Variants in GNG12 observed in about 807,000 individuals in gnomAD.
GNG12 encodes the protein guanine nucleotide-binding protein G(I)/G(S)/G(O) subunit gamma-12.
For missense variants in GNG12, 69 were observed against 83.8 expected (o/e 0.82, Z 0.69); for synonymous variants, 28 against 29.7 (o/e 0.94, Z 0.19).
intron 1 of GNG12, among the ~76,000 whole-genome samples, chr1:67,815,201 C>T (rs868701854): frequency 2.0e-5 from 3 of 152,166 alleles, no homozygotes; most frequent in African/African-American, 7.2e-5. Flanking sequence ...GGCCACAAAT[C>T]GTTTCTATGA....
intron 2 of GNG12, among the ~76,000 whole-genome samples, chr1:67,749,875 A>G (rs1167148821): frequency 6.6e-6 from 1 of 152,162 alleles, no homozygotes; most frequent in African/African-American, 2.4e-5. Flanking sequence ...CCTGACAAAT[A>G]AGGTAAGGAC....
intron 2 of GNG12, among the ~76,000 whole-genome samples, chr1:67,771,741 C>T (rs1646675964): frequency 1.3e-5 from 2 of 152,198 alleles, no homozygotes; most frequent in African/African-American, 4.8e-5. Context: ...CCAGGAGAGG[C>T]AGCTGGAAGG....
chr1:67,796,595 T>C (rs1471474602), intron 1 of GNG12, among the ~76,000 whole-genome samples: 1 of 152,112 alleles, frequency 6.6e-6, no homozygotes, highest in African/African-American at 2.4e-5. Flanking sequence ...ATGTATTTAC[T>C]AGTTGGGTTA....
At position 67,762,137 on chromosome 1, in the gene GNG12, G is replaced by A. The variant is rs914172110; in HGVS notation, c.-27+15321C>T. 2.6e-5 allele frequency among the ~76,000 whole-genome samples: 4 copies of A among 152,104 alleles called. No homozygotes were observed. In the East Asian group the frequency reaches 7.7e-4, roughly 29 times the overall value. On this transcript the variant is annotated intron_variant, in intron 2 of 3. Transcript: ENST00000370982. Reference sequence around the variant, plus strand: ...GGCAAGCTCTCACTGAACTTTCTAGGGCTACAGATCAATACCTTCTTTTGC... The same window carrying A: ...GGCAAGCTCTCACTGAACTTTCTAGAGCTACAGATCAATACCTTCTTTTGC...
chr1:67,827,111 T>C (rs1251005690), intron 1 of GNG12, among the ~76,000 whole-genome samples: 1 of 152,246 alleles, frequency 6.6e-6, no homozygotes, highest in African/African-American at 2.4e-5. Context: ...GATTCAGACT[T>C]CACTCCAGTG....
rs1646226965 is a variant in GNG12, at chr1:67,703,493, A to G, written c.*1958T>C. The stretch of plus-strand genomic sequence containing the variant: ...GATTAGTGTTCTGAAACTGAGTAGA[A>G]AAATAGACTTATAAAAAAAAGAATG... On this transcript the variant is annotated 3_prime_UTR_variant, in exon 4 of 4. Coordinates refer to ENST00000370982, the MANE Select transcript of GNG12 (RefSeq NM_018841.6). 1 of 152,240 alleles carries G rather than the reference A, an allele frequency of 6.6e-6. No individual in the cohort carries two copies. The highest frequency in any genetic ancestry group is 6.5e-5 in the Admixed American group (1 of 15,288). 9.4% of individuals were successfully genotyped at this position (152,240 alleles called of 1,614,324 possible). A position where few individuals can be genotyped will look rare whatever the true frequency, so the allele number is the denominator to read the frequency against.
chr1:67,798,858 G>A (rs1225454530), intron 1 of GNG12, among the ~76,000 whole-genome samples: 2 of 152,058 alleles, frequency 1.3e-5, no homozygotes, highest in African/African-American at 4.8e-5. Context: ...GGAGGCTGAG[G>A]CAGAGGAATC....
At chr1:67,769,540 C>G (rs1310517204) in intron 2 of GNG12, among the ~76,000 whole-genome samples, 3 of 152,124 alleles carry the variant, frequency 2.0e-5, no homozygotes, top group Non-Finnish European at 2.9e-5. Flanking sequence ...AATACGTTCT[C>G]AGATCAAGAG....
chr1:67,783,620 C>T (rs1207747930), intron 1 of GNG12, among the ~76,000 whole-genome samples: 1 of 151,764 alleles, frequency 6.6e-6, no homozygotes, highest in Non-Finnish European at 1.5e-5. Context: ...AACAAATTTA[C>T]TAGAAAAAAA....
intron 3 of GNG12, among the ~76,000 whole-genome samples, chr1:67,706,223 A>T (rs1646246665): frequency 6.6e-6 from 1 of 152,324 alleles, no homozygotes; most frequent in African/African-American, 2.4e-5. Flanking sequence ...GCCAGGTGAG[A>T]AAAAGCATAT....
chr1:67,789,889 G>T (rs1379650471), intron 1 of GNG12, among the ~76,000 whole-genome samples: 1 of 152,182 alleles, frequency 6.6e-6, no homozygotes, highest in African/African-American at 2.4e-5. Context: ...TGTGTGAGGT[G>T]GGTGTGCTAT....
intron 1 of GNG12, among the ~76,000 whole-genome samples, chr1:67,830,002 C>T (rs1248508752): frequency 1.4e-4 from 17 of 117,358 alleles, no homozygotes; most frequent in African/African-American, 2.6e-4. Context: ...AAGATGGAGG[C>T]TTTTTTTTTT....
chr1:67,812,899 T>G (rs1646933813), intron 1 of GNG12, among the ~76,000 whole-genome samples: 1 of 152,202 alleles, frequency 6.6e-6, no homozygotes, highest in Admixed American at 6.5e-5. Context: ...AAGTACACTC[T>G]TCATGACAAG....
chr1:67,819,365 A>G (rs975350572), intron 1 of GNG12, among the ~76,000 whole-genome samples: 1 of 152,228 alleles, frequency 6.6e-6, no homozygotes, highest in Non-Finnish European at 1.5e-5. Flanking sequence ...GAGACAATCT[A>G]CAGTTGTGTC....
At chr1:67,730,370 G>A (rs772822624) in intron 2 of GNG12, among the ~76,000 whole-genome samples, 3 of 152,146 alleles carry the variant, frequency 2.0e-5, no homozygotes, top group Non-Finnish European at 2.9e-5. Flanking sequence ...GCATGGTGGT[G>A]CACATCTGTA....
intron 2 of GNG12, among the ~76,000 whole-genome samples, chr1:67,721,700 A>C (rs762671433): frequency 2.0e-5 from 3 of 152,192 alleles, no homozygotes; most frequent in African/African-American, 4.8e-5. Context: ...CTGGCAAGGG[A>C]CATAATATCA....
chr1:67,733,174 T>C (rs2100702078), intron 2 of GNG12, among the ~76,000 whole-genome samples: 1 of 152,322 alleles, frequency 6.6e-6, no homozygotes, highest in East Asian at 1.9e-4. Flanking sequence ...TCCAGTCAGT[T>C]AGGCAACAAC....
At chr1:67,747,673 AG>A (rs1646515151) in intron 2 of GNG12, among the ~76,000 whole-genome samples, 1 of 152,260 alleles carries the variant, frequency 6.6e-6, no homozygotes, top group South Asian at 2.1e-4. Context: ...GCTTCTGGAC[AG>A]AAAGACTGAA....
intron 1 of GNG12, among the ~76,000 whole-genome samples, chr1:67,795,650 T>C (rs1646827139): frequency 1.3e-5 from 2 of 152,214 alleles, no homozygotes; most frequent in Non-Finnish European, 2.9e-5. Flanking sequence ...GACTAAGCTC[T>C]CTGGATACAA....
Sources: allele counts gnomAD v4.1 joint callset (sites outside exome capture counted in the v4.1 genomes callset), GRCh38; gene constraint gnomAD v4.1.1; transcripts MANE v1.5; gene names NCBI Gene and HGNC (gene_info 2026-07-23, HGNC 2026-07-21).